Variants in SLCO1A2 observed in about 807,000 individuals in gnomAD.
SLCO1A2 encodes solute carrier organic anion transporter family member 1A2.
A neutral mutation model predicts 69.0 loss-of-function variants in SLCO1A2; 67 were observed. That is an observed-to-expected ratio of 0.97 (90% CI 0.80 to 1.19). The LOEUF (loss-of-function observed/expected upper bound fraction) is 1.19. Among genes scored for constraint, SLCO1A2 ranks in the 50% most tolerant of loss-of-function variants. SLCO1A2 has a pLI of 0.00. For synonymous variants in SLCO1A2, 260 were observed against 265.9 expected (o/e 0.98, Z 0.22); for missense variants, 787 against 793.7 (o/e 0.99, Z 0.10).
chr12:21,391,163 G>A (rs1941132572), intron 1 of SLCO1A2, among the ~76,000 whole-genome samples: 1 of 152,102 alleles, frequency 6.6e-6, no homozygotes, highest in Admixed American at 6.5e-5. Context: ...ACTGAATTTA[G>A]ATATTAGACA....
rs376633449 is a variant in SLCO1A2 at position 21,313,775 on chromosome 12, C to T, written c.335+774G>A. On this transcript the variant is annotated intron_variant, in intron 4 of 14. Transcript: ENST00000683939. ...CACGAGGTTAGGAGATCGAGACCATCCTGGCTAACACAGTGAAACCCCGTC... is the reference window on the plus strand; with the variant it reads ...CACGAGGTTAGGAGATCGAGACCATTCTGGCTAACACAGTGAAACCCCGTC... Among the ~76,000 whole-genome samples, 218 of 151,646 alleles carry T rather than the reference C, an allele frequency of 1.4e-3. 7 individuals are homozygous for T. The South Asian group carries it at 0.044, about 31-fold the overall frequency.
In SLCO1A2 at chr12:21,314,671, C is replaced by G; in HGVS notation, c.213G>C (p.Leu71Phe). 1 of 1,601,212 alleles carries G rather than the reference C, an allele frequency of 6.2e-7. No individual in the cohort carries two copies. Among genetic ancestry groups the G allele is most frequent in the South Asian group, 1.1e-5 (1 of 90,238 alleles). The change falls in exon 4 of 15, where the codon TTG becomes TTC. Residue 71 changes from leucine (L) to phenylalanine (F), a missense_variant. Coordinates refer to ENST00000683939, the MANE Select transcript of SLCO1A2 (RefSeq NM_001386879.1). ...CAAAATAACTCACAAATATAATCAA[C>G]AAAAGATTTCCTAGGAAAAAATTGA... ...INGSFEIGNL[L>F]LIIFVSYFGT...
At chr12:21,366,398 G>A (rs1231108178) in intron 2 of SLCO1A2, among the ~76,000 whole-genome samples, 11 of 151,444 alleles carry the variant, frequency 7.3e-5, no homozygotes, top group African/African-American at 1.2e-4. Flanking sequence ...CGGGCCTGCC[G>A]GGGGGTGGGC....
At chr12:21,394,435 G>T (rs916877679) in intron 1 of SLCO1A2, among the ~76,000 whole-genome samples, 12 of 150,598 alleles carry the variant, frequency 8.0e-5, no homozygotes, top group Admixed American at 6.0e-4. Flanking sequence ...CAGCTACTGG[G>T]GAGGCTGAGA....
intron 2 of SLCO1A2, 22 bp downstream of exon 2, chr12:21,334,566 T>A (rs778195931): frequency 4.4e-6 from 7 of 1,578,600 alleles, no homozygotes; most frequent in Non-Finnish European, 6.1e-6. Context: ...TGCACATATA[T>A]CCACATACAA....
At chr12:21,274,888 G>T in intron 13 of SLCO1A2, 1 of 1,053,034 alleles carries the variant, frequency 9.5e-7, no homozygotes, top group Non-Finnish European at 1.2e-6. Context: ...CATTTTATTT[G>T]GGCAGAGCAT....
chr12:21,289,568 A>T (rs1946505834), intron 12 of SLCO1A2, among the ~76,000 whole-genome samples: 1 of 152,116 alleles, frequency 6.6e-6, no homozygotes, highest in African/African-American at 2.4e-5. Flanking sequence ...GTTGGTAAAC[A>T]TATCCACATG....
intron 1 of SLCO1A2, among the ~76,000 whole-genome samples, chr12:21,406,484 A>G (rs909504423): frequency 1.3e-5 from 2 of 152,174 alleles, no homozygotes; most frequent in Non-Finnish European, 2.9e-5. Flanking sequence ...TCAATCTTTC[A>G]TTTCTCTTGA....
intron 4 of SLCO1A2, among the ~76,000 whole-genome samples, chr12:21,309,623 C>A (rs777999856): frequency 9.9e-5 from 15 of 152,036 alleles, no homozygotes; most frequent in Non-Finnish European, 1.8e-4. Context: ...GGAGTATTTT[C>A]AGATATACAA....
intron 2 of SLCO1A2, chr12:21,319,556 C>A: frequency 2.0e-6 from 2 of 1,013,272 alleles, no homozygotes; most frequent in Non-Finnish European, 2.8e-6. Flanking sequence ...AAGCCCAGGA[C>A]AGAGTATTTT....
At chr12:21,394,250 A>C (rs1941306416) in intron 1 of SLCO1A2, among the ~76,000 whole-genome samples, 1 of 152,096 alleles carries the variant, frequency 6.6e-6, no homozygotes, top group Admixed American at 6.6e-5. Context: ...AACAATATGA[A>C]ATGTTGGGTC....
chr12:21,282,485 A>G (rs980394075), intron 12 of SLCO1A2, among the ~76,000 whole-genome samples: 6 of 152,096 alleles, frequency 3.9e-5, no homozygotes, highest in African/African-American at 1.4e-4. Context: ...TAAGTATCAT[A>G]CTGAGTGGGG....
chr12:21,269,541 A>C lies in SLCO1A2; in HGVS notation c.*7T>G, dbSNP rs755205571. On this transcript the variant is annotated 3_prime_UTR_variant, in exon 15 of 15. Transcript: ENST00000683939. ...CTAATTCTGAAAAAAGTAATATAAT[A>C]GGACAATTACAATTTAGTTTTCAAT... 25 of 1,591,856 alleles carry C rather than the reference A, an allele frequency of 1.6e-5. No homozygotes were observed. Among genetic ancestry groups the C allele is most frequent in the Non-Finnish European group, 2.2e-5 (25 of 1,161,684 alleles).
intron 2 of SLCO1A2, among the ~76,000 whole-genome samples, chr12:21,368,874 C>T (rs896851809): frequency 6.6e-6 from 1 of 152,046 alleles, no homozygotes; most frequent in African/African-American, 2.4e-5. Flanking sequence ...GTGAGGAGAG[C>T]TGAATCTTCT....
chr12:21,272,762 C>T lies in SLCO1A2; in HGVS notation c.1793+1707G>A, dbSNP rs140114609. Among the ~76,000 whole-genome samples the T allele has an allele frequency of 8.2e-3, 1,248 of 152,164 alleles. 9 individuals carry two copies. The highest frequency in any genetic ancestry group is 0.016 in the South Asian group (75 of 4,816). ...CAGCAAGTTTAACCAATTTGCAAAA[C>T]CACTTAGGCTTATTTTTTAACTTAT... On this transcript the variant is annotated intron_variant, in intron 14 of 14. Coordinates refer to ENST00000683939, the MANE Select transcript of SLCO1A2 (RefSeq NM_001386879.1).
chr12:21,319,689 T>C (rs1180243219), intron 2 of SLCO1A2: 1 of 330,452 alleles, frequency 3.0e-6, no homozygotes, highest in African/African-American at 2.1e-5. Context: ...TGTTTATCCT[T>C]ACTGCTTGCC....
At chr12:21,396,119 C>T (rs1941446464), upstream of SLCO1A2, among the ~76,000 whole-genome samples, 1 of 151,832 alleles carries the variant, frequency 6.6e-6, no homozygotes, top group Non-Finnish European at 1.5e-5. Flanking sequence ...AAGTTGAAAA[C>T]TCTGAAAAAA....
chr12:21,416,883 AAC>A (rs1303077570), intron 1 of SLCO1A2, among the ~76,000 whole-genome samples: 3 of 152,192 alleles, frequency 2.0e-5, no homozygotes, highest in African/African-American at 7.2e-5. Context: ...AATGGGGAGC[AAC>A]AGTTTAATTG....
chr12:21,389,023 T>C (rs967396878), intron 1 of SLCO1A2, among the ~76,000 whole-genome samples: 1 of 152,200 alleles, frequency 6.6e-6, no homozygotes, highest in Non-Finnish European at 1.5e-5. Flanking sequence ...GCCTCTTCAA[T>C]AGCTTTAAAA....
Sources: gnomAD v4.1 joint callset for allele counts (sites outside exome capture counted in the v4.1 genomes callset) on GRCh38, gnomAD v4.1.1 for gene constraint, MANE v1.5 for transcripts, NCBI Gene and HGNC (gene_info 2026-07-23, HGNC 2026-07-21) for gene names.